The following CASP9 variants were observed in gnomAD, a reference collection of about 807,000 sequenced individuals.
CASP9 encodes caspase 9.
CASP9 carries 29 observed loss-of-function variants against 43.5 expected under a neutral mutation model. That is an observed-to-expected ratio of 0.67 (90% CI 0.50 to 0.91). CASP9 has a LOEUF of 0.91. CASP9 is among the 40% of genes least tolerant of loss of function. The pLI is 0.00. For synonymous variants in CASP9, 206 were observed against 211.9 expected (o/e 0.97, Z 0.24); for missense variants, 575 against 537.4 (o/e 1.07, Z -0.69).
At chr1:15,500,162 A>AG (rs1233023330) in intron 6 of CASP9, among the ~76,000 whole-genome samples, 2 of 152,162 alleles carry the variant, frequency 1.3e-5, no homozygotes, top group Admixed American at 1.3e-4. Context: ...TACATACTGC[A>AG]GAAAAAAAAA....
chr1:15,522,653 C>T (rs1308841067), intron 1 of CASP9, among the ~76,000 whole-genome samples: 1 of 152,290 alleles, frequency 6.6e-6, no homozygotes, highest in African/African-American at 2.4e-5. Flanking sequence ...AGGTCAAGGT[C>T]GCAGTGAGCC....
chr1:15,520,447 T>A (rs1710140325), intron 1 of CASP9, among the ~76,000 whole-genome samples: 1 of 152,244 alleles, frequency 6.6e-6, no homozygotes, highest in South Asian at 2.1e-4. Context: ...TTATTAATCA[T>A]TAGCTTTTAA....
intron 7 of CASP9, 35 bp downstream of exon 7, chr1:15,495,238 C>T (rs1005213019): frequency 1.6e-5 from 25 of 1,588,184 alleles, no homozygotes; most frequent in Non-Finnish European, 1.9e-5. Flanking sequence ...GGAAGACCCA[C>T]TGGCTGCGAG....
chr1:15,499,680 C>T (rs1709246716), intron 6 of CASP9, among the ~76,000 whole-genome samples: 1 of 152,130 alleles, frequency 6.6e-6, no homozygotes, highest in Non-Finnish European at 1.5e-5. Flanking sequence ...TAAATTAGTG[C>T]ATGTCATGAA....
Position 15,524,051 on chromosome 1 carries a change from A to AGGGTGCC in CASP9, c.132+17_132+18insGGCACCC. 7.2e-7 allele frequency: 1 copy of AGGGTGCC among 1,392,356 alleles called. No homozygotes were observed. Among genetic ancestry groups the AGGGTGCC allele is most frequent in the Non-Finnish European group, 9.4e-7 (1 of 1,066,828 alleles). 86.3% of individuals were successfully genotyped at this position (1,392,356 alleles called of 1,614,324 possible). A position where few individuals can be genotyped will look rare whatever the true frequency, so the allele number is the denominator to read the frequency against. ...GGACCCGGCCGTGCAGCGCGGGGACAGGGGGCCGGGGGCGCACCTGGATGT... is the reference window on the plus strand; with the variant it reads ...GGACCCGGCCGTGCAGCGCGGGGACAGGGTGCCGGGGGCCGGGGGCGCACCTGGATGT... On this transcript the variant is annotated intron_variant, in intron 1 of 8. Transcript: ENST00000333868.
intron 6 of CASP9, among the ~76,000 whole-genome samples, chr1:15,500,790 C>T (rs938874738): frequency 7.3e-5 from 11 of 149,680 alleles, no homozygotes; most frequent in Admixed American, 4.7e-4. Flanking sequence ...CCTGTGGGGG[C>T]GGAGGGATGC....
chr1:15,491,411 G>C lies in CASP9; in HGVS notation c.*1532C>G. On this transcript the variant is annotated 3_prime_UTR_variant, in exon 9 of 9. Transcript: ENST00000333868. ...ACTATGCAAATCACATCTTGATGAGGGTTTTATTATTATTATTAATTCAGA... is the reference window on the plus strand; with the variant it reads ...ACTATGCAAATCACATCTTGATGAGCGTTTTATTATTATTATTAATTCAGA... 2 of 1,460,138 alleles carry C rather than the reference G, an allele frequency of 1.4e-6. No homozygotes were observed. The highest frequency in any genetic ancestry group is 1.9e-6 in the Non-Finnish European group (2 of 1,046,194). The allele number at this position is 1,460,138 out of a possible 1,614,324, so 90.4% of individuals were successfully genotyped here.
chr1:15,508,862 C>A (rs115451739), intron 2 of CASP9, among the ~76,000 whole-genome samples: 1 of 152,242 alleles, frequency 6.6e-6, no homozygotes, highest in African/African-American at 2.4e-5. Context: ...AGCAAAGAGG[C>A]TCTATCTTCC....
intron 2 of CASP9, among the ~76,000 whole-genome samples, chr1:15,508,130 A>G (rs1450115311): frequency 2.6e-5 from 4 of 152,230 alleles, no homozygotes; most frequent in Admixed American, 1.3e-4. Context: ...TATATCAAAG[A>G]GCAAGGAGTG....
At chr1:15,495,963 C>T (rs955344728) in intron 6 of CASP9, among the ~76,000 whole-genome samples, 44 of 152,208 alleles carry the variant, frequency 2.9e-4, no homozygotes, top group African/African-American at 9.9e-4. Context: ...CTATTTCCCC[C>T]TACCCTGCTC....
At chr1:15,523,708 T>C (rs954530952) in intron 1 of CASP9, among the ~76,000 whole-genome samples, 6 of 152,068 alleles carry the variant, frequency 3.9e-5, no homozygotes, top group African/African-American at 1.4e-4. Context: ...ACCAATCAAA[T>C]AATTTCTTTA....
At chr1:15,523,596 A>G (rs1431438539) in intron 1 of CASP9, among the ~76,000 whole-genome samples, 1 of 152,246 alleles carries the variant, frequency 6.6e-6, no homozygotes, top group East Asian at 1.9e-4. Context: ...AACTTGGGTC[A>G]TATCTGATAA....
At chr1:15,519,239 G>C (rs1190057294) in intron 1 of CASP9, among the ~76,000 whole-genome samples, 2 of 151,894 alleles carry the variant, frequency 1.3e-5, no homozygotes, top group East Asian at 3.9e-4. Flanking sequence ...GAATGCAGTG[G>C]CACCATCTCA....
chr1:15,524,361 C>T, upstream of CASP9: 2 of 1,395,674 alleles, frequency 1.4e-6, no homozygotes, highest in East Asian at 6.0e-5. Context: ...TCTCCAAGGC[C>T]TCGCCCCGCC....
In CASP9 at chr1:15,506,056, C is replaced by T. The variant is rs764267924; in HGVS notation, c.654G>A (p.Glu218=). Residue 218 remains glutamate (E), a synonymous_variant, in exon 5 of 9, where the codon GAG becomes GAA. Transcript: ENST00000333868. ...TAKKMVLALL[E]LAQQDHGALD... is the part of the protein sequence containing the mutation. Reference sequence around the variant, plus strand: ...GAGCACCGTGGTCCTGCTGCGCCAGCTCCAGCAAAGCCAGCACCATTTTCT... The same window carrying T: ...GAGCACCGTGGTCCTGCTGCGCCAGTTCCAGCAAAGCCAGCACCATTTTCT... The T allele has an allele frequency of 3.7e-6, 6 of 1,613,896 alleles. No individual in the cohort carries two copies. Among genetic ancestry groups the T allele is most frequent in the Non-Finnish European group, 5.1e-6 (6 of 1,179,880 alleles).
At chr1:15,493,741 A>G (rs1370860794) in intron 8 of CASP9, 151 bp downstream of exon 8, 1 of 1,518,498 alleles carries the variant, frequency 6.6e-7, no homozygotes, top group Admixed American at 2.0e-5. Flanking sequence ...AAGAGACACA[A>G]AAGTGCCGAC....
intron 8 of CASP9, 53 bp downstream of exon 8, chr1:15,493,839 A>G (rs756945105): frequency 9.0e-6 from 14 of 1,550,490 alleles, no homozygotes; most frequent in African/African-American, 4.1e-5. Flanking sequence ...CCAGGAGGAC[A>G]CGCTGCCCCT....
At chr1:15,494,817 C>A (rs1203263309) in intron 7 of CASP9, among the ~76,000 whole-genome samples, 1 of 143,676 alleles carries the variant, frequency 7.0e-6, no homozygotes, top group Middle Eastern at 3.6e-3. Context: ...GACCCAAGAT[C>A]GCGCCACTGC....
At position 15,504,762 on chromosome 1, in the gene CASP9, G is replaced by A. The variant is rs751437034; in HGVS notation, c.721-4C>T. ...CTGGGAACTGCAGGTGGCTGGCCTA[G>A]AAGACCAAGAACCCTGGTTACAAAA... On this transcript the variant is annotated splice_region_variant and splice_polypyrimidine_tract_variant and intron_variant, in intron 5 of 8. Coordinates refer to ENST00000333868, the MANE Select transcript of CASP9 (RefSeq NM_001229.5). The A allele has an allele frequency of 3.1e-6, 5 of 1,610,314 alleles. No homozygotes were observed. The highest frequency in any genetic ancestry group is 4.2e-6 in the Non-Finnish European group (5 of 1,178,662).
Sources: allele counts gnomAD v4.1 joint callset (sites outside exome capture counted in the v4.1 genomes callset), GRCh38; gene constraint gnomAD v4.1.1; transcripts MANE v1.5; gene names NCBI Gene and HGNC (gene_info 2026-07-23, HGNC 2026-07-21).